The following FCHO2 variants were observed in gnomAD, a reference collection of about 807,000 sequenced individuals.
FCHO2 encodes FCH and mu domain containing endocytic adaptor 2, also known as F-BAR domain only protein 2.
A neutral mutation model predicts 114.1 loss-of-function variants in FCHO2; 43 were observed. That is an observed-to-expected ratio of 0.38 (90% CI 0.30 to 0.49). The LOEUF is 0.49. FCHO2 is among the 20% of genes least tolerant of loss of function. The pLI, the probability that FCHO2 is intolerant of heterozygous loss-of-function variation, is 0.97. For missense variants in FCHO2, 807 were observed against 950.4 expected, an observed-to-expected ratio of 0.85 and a Z score of 1.98; for synonymous variants, 293 against 315.2, an observed-to-expected ratio of 0.93 and a Z score of 0.75.
At chr5:73,076,221 G>T (rs1034401548) in intron 20 of FCHO2, among the ~76,000 whole-genome samples, 2 of 152,136 alleles carry the variant, frequency 1.3e-5, no homozygotes, top group Non-Finnish European at 2.9e-5. Flanking sequence ...AATAATTGGT[G>T]ACATTCACAA....
At chr5:73,081,132 A>G (rs900450022) in intron 22 of FCHO2, among the ~76,000 whole-genome samples, 1 of 152,140 alleles carries the variant, frequency 6.6e-6, no homozygotes, top group Non-Finnish European at 1.5e-5. Context: ...ATAATATTCT[A>G]TGTTAGAAAA....
At chr5:73,055,804 C>T (rs778299339) in intron 15 of FCHO2, among the ~76,000 whole-genome samples, 2 of 152,082 alleles carry the variant, frequency 1.3e-5, no homozygotes, top group Non-Finnish European at 2.9e-5. Flanking sequence ...CTTTTCTAAA[C>T]AGCAATTTTA....
chr5:73,061,820 C>G (rs148856961), intron 17 of FCHO2, among the ~76,000 whole-genome samples: 4 of 151,992 alleles, frequency 2.6e-5, no homozygotes, highest in Admixed American at 6.6e-5. Context: ...GGATTTCTTC[C>G]GACAGCTGCA....
chr5:72,971,722 A>G (rs1336902882), intron 2 of FCHO2, among the ~76,000 whole-genome samples: 3 of 152,114 alleles, frequency 2.0e-5, no homozygotes, highest in Non-Finnish European at 2.9e-5. Context: ...CCATTTGTCA[A>G]TTTTGGCTTT....
intron 8 of FCHO2, among the ~76,000 whole-genome samples, chr5:73,026,118 C>T (rs982255580): frequency 2.0e-5 from 3 of 151,894 alleles, no homozygotes; most frequent in Non-Finnish European, 2.9e-5. Flanking sequence ...AGGCAAGGAT[C>T]GAGGTAGAGA....
Position 73,081,944 on chromosome 5 carries a change from AG to A in FCHO2, c.2144del (p.Gly715GlufsTer2). On this transcript the variant is annotated frameshift_variant, in exon 23 of 26. Coordinates refer to ENST00000430046, the MANE Select transcript of FCHO2 (RefSeq NM_138782.3). LOFTEE classifies it high-confidence loss of function. ...TACAGGTGGTGGTACCAGTGGATGG[AG>A]GAGTAACGAACATGCAGTCCCTTCC... ...NIQVVVPVDG[G>X]VTNMQSLPPA... The A allele has an allele frequency of 6.3e-7, 1 of 1,599,246 alleles. No individual in the cohort carries two copies. Among genetic ancestry groups the A allele is most frequent in the Non-Finnish European group, 8.5e-7 (1 of 1,172,072 alleles).
intron 8 of FCHO2, chr5:73,034,357 G>A (rs569434293): frequency 1.6e-5 from 4 of 252,116 alleles, no homozygotes; most frequent in African/African-American, 6.9e-5. Flanking sequence ...CTTCTTGAAA[G>A]CAGAAACTGC....
chr5:72,975,442 T>A (rs1192795505), intron 2 of FCHO2, among the ~76,000 whole-genome samples: 1 of 152,172 alleles, frequency 6.6e-6, no homozygotes, highest in Non-Finnish European at 1.5e-5. Flanking sequence ...TTCTTGTGCC[T>A]CAGCCTCCCA....
chr5:72,993,508 A>G (rs967382202), intron 5 of FCHO2, among the ~76,000 whole-genome samples: 2 of 152,228 alleles, frequency 1.3e-5, no homozygotes, highest in African/African-American at 4.8e-5. Flanking sequence ...AAAGTACATT[A>G]TAGGTATTAA....
chr5:72,960,738 A>G (rs1485910865), intron 1 of FCHO2, among the ~76,000 whole-genome samples: 2 of 152,176 alleles, frequency 1.3e-5, no homozygotes, highest in Admixed American at 1.3e-4. Context: ...AAAAACCTTA[A>G]TGCATTTCAT....
At chr5:73,056,244 ACAGT>A (rs1384820142) in intron 16 of FCHO2, 137 bp downstream of exon 16, 2 of 635,898 alleles carry the variant, frequency 3.1e-6, no homozygotes, top group Non-Finnish European at 5.4e-6. Flanking sequence ...AGTCTCTCTC[ACAGT>A]CAAATTCTCT....
chr5:72,968,940 C>T (rs1752357533), intron 2 of FCHO2, among the ~76,000 whole-genome samples: 1 of 152,128 alleles, frequency 6.6e-6, no homozygotes, highest in African/African-American at 2.4e-5. Context: ...AAAAGACTAA[C>T]TTTTCTGAAC....
intron 11 of FCHO2, among the ~76,000 whole-genome samples, chr5:73,045,411 C>T (rs1757007926): frequency 6.6e-6 from 1 of 152,122 alleles, no homozygotes; most frequent in Non-Finnish European, 1.5e-5. Context: ...GAGATGTATC[C>T]AGGTTGTGGT....
chr5:73,044,924 C>A (rs1756984032), intron 11 of FCHO2, among the ~76,000 whole-genome samples: 1 of 152,108 alleles, frequency 6.6e-6, no homozygotes, highest in African/African-American at 2.4e-5. Context: ...ATATAGAAAT[C>A]ATGGATTGAA....
At chr5:72,961,538 ATCT>A (rs1273635546) in intron 1 of FCHO2, among the ~76,000 whole-genome samples, 1 of 152,026 alleles carries the variant, frequency 6.6e-6, no homozygotes, top group Non-Finnish European at 1.5e-5. Flanking sequence ...GAGGGAGTAA[ATCT>A]TCTTTTTCTC....
chr5:72,958,200 C>T (rs541849822), intron 1 of FCHO2, among the ~76,000 whole-genome samples: 19 of 152,012 alleles, frequency 1.2e-4, no homozygotes, highest in Admixed American at 5.9e-4. Flanking sequence ...TGAAGTCCAT[C>T]TTATCTATTT....
At chr5:73,083,498 C>CTGAT (rs779286947) in intron 24 of FCHO2, among the ~76,000 whole-genome samples, 2 of 152,198 alleles carry the variant, frequency 1.3e-5, no homozygotes, top group African/African-American at 2.4e-5. Context: ...TGTAGGTAAC[C>CTGAT]TGATAACTAA....
At position 73,056,608 on chromosome 5, in the gene FCHO2, C is replaced by T. The variant is rs149056260; in HGVS notation, c.1253+501C>T. Among the ~76,000 whole-genome samples the T allele has an allele frequency of 1.5e-3, 223 of 152,186 alleles. 2 individuals are homozygous for T. The highest frequency in any genetic ancestry group is 5.2e-3 in the African/African-American group (217 of 41,542). On this transcript the variant is annotated intron_variant, in intron 16 of 25. Coordinates refer to ENST00000430046, the MANE Select transcript of FCHO2 (RefSeq NM_138782.3). ...TTTAGAAGTTTAAAATTATTTCTCGCTTGGTAATATGTCCTTTTACAATAA... is the reference window on the plus strand; with the variant it reads ...TTTAGAAGTTTAAAATTATTTCTCGTTTGGTAATATGTCCTTTTACAATAA...
intron 16 of FCHO2, among the ~76,000 whole-genome samples, chr5:73,057,513 T>G (rs1450282825): frequency 5.9e-5 from 9 of 152,164 alleles, no homozygotes; most frequent in African/African-American, 9.7e-5. Flanking sequence ...GCCTGTTTTT[T>G]TGTGTGTGTA....
Sources: allele counts gnomAD v4.1 joint callset (sites outside exome capture counted in the v4.1 genomes callset), GRCh38; gene constraint gnomAD v4.1.1; transcripts MANE v1.5; gene names NCBI Gene and HGNC (gene_info 2026-07-23, HGNC 2026-07-21).